Variants in EXOC4 observed in about 807,000 individuals in gnomAD.
EXOC4 encodes the protein exocyst complex component 4, also known as SEC8-like 1.
Under a neutral mutation model 107.2 loss-of-function variants are expected in EXOC4, and 71 were observed. That is an observed-to-expected ratio of 0.66 (90% CI 0.55 to 0.81). The LOEUF (loss-of-function observed/expected upper bound fraction) is 0.81, where lower values mean the gene tolerates loss of function less well. Ranked by LOEUF, EXOC4 falls within the 30% of genes least tolerant of loss-of-function variation. The pLI, the probability that EXOC4 is intolerant of heterozygous loss-of-function variation, is 0.00. For missense variants in EXOC4, 1,108 were observed against 1,189.6 expected (o/e 0.93, Z 1.01); for synonymous variants, 456 against 441.2 (o/e 1.03, Z -0.42).
intron 11 of EXOC4, among the ~76,000 whole-genome samples, chr7:133,881,794 A>G (rs565076457): frequency 2.0e-5 from 3 of 152,328 alleles, no homozygotes; most frequent in South Asian, 4.1e-4. Flanking sequence ...AGTATTGCCA[A>G]CAATACTGCT....
chr7:133,605,802 C>A (rs1309988002), intron 9 of EXOC4, among the ~76,000 whole-genome samples: 1 of 151,962 alleles, frequency 6.6e-6, no homozygotes, highest in Admixed American at 6.6e-5. Context: ...CTTAAAGCCA[C>A]CAGGTTAAAT....
intron 10 of EXOC4, chr7:133,732,537 C>A: frequency 6.5e-6 from 1 of 152,882 alleles, no homozygotes; most frequent in South Asian, 2.0e-4. Context: ...TCAGCTCATT[C>A]AACTTCAGCA....
intron 10 of EXOC4, among the ~76,000 whole-genome samples, chr7:133,813,845 T>C (rs1410403092): frequency 6.6e-6 from 1 of 152,028 alleles, no homozygotes; most frequent in Non-Finnish European, 1.5e-5. Flanking sequence ...ACCATCTTCA[T>C]CCCCCCACCA....
intron 9 of EXOC4, among the ~76,000 whole-genome samples, chr7:133,604,541 T>A (rs1186628820): frequency 6.6e-6 from 1 of 152,070 alleles, no homozygotes; most frequent in Non-Finnish European, 1.5e-5. Flanking sequence ...ATGCTGTCCA[T>A]CATTGTCTGA....
At chr7:133,420,753 G>A (rs906472480) in intron 7 of EXOC4, among the ~76,000 whole-genome samples, 1 of 151,974 alleles carries the variant, frequency 6.6e-6, no homozygotes, top group Non-Finnish European at 1.5e-5. Context: ...AAAGAAGGTT[G>A]ATTTAGAGGG....
chr7:133,477,431 C>T (rs939299653), intron 8 of EXOC4, among the ~76,000 whole-genome samples: 2 of 152,194 alleles, frequency 1.3e-5, no homozygotes, highest in Non-Finnish European at 2.9e-5. Flanking sequence ...AGAATGGCTT[C>T]TTTCACTTAG....
chr7:133,534,913 G>A (rs916813938), intron 9 of EXOC4, among the ~76,000 whole-genome samples: 1 of 152,028 alleles, frequency 6.6e-6, no homozygotes, highest in African/African-American at 2.4e-5. Context: ...ATCCCATGTG[G>A]TATCTGTTGC....
rs75372965 is a variant in EXOC4, at chr7:133,995,909, A to G, written c.2207-1583A>G. 5.5e-3 allele frequency among the ~76,000 whole-genome samples: 834 copies of G among 152,304 alleles called. 8 individuals carry two copies. Among genetic ancestry groups the G allele is most frequent in the African/African-American group, 0.019 (778 of 41,562 alleles). ...CAGCAAGATGTTGGCTCTCTACCCT[A>G]TAAGGTGAATGACCTTCTGAGTTAG... is the stretch of plus-strand genomic sequence containing the variant. On this transcript the variant is annotated intron_variant, in intron 14 of 17. Transcript: ENST00000253861.
At chr7:133,926,037 C>T (rs1191815568) in intron 13 of EXOC4, among the ~76,000 whole-genome samples, 1 of 107,708 alleles carries the variant, frequency 9.3e-6, no homozygotes. Context: ...AGCAAGACTC[C>T]GTCTCAAAAA....
chr7:133,657,555 C>T (rs1344404462), intron 10 of EXOC4, among the ~76,000 whole-genome samples: 1 of 152,194 alleles, frequency 6.6e-6, no homozygotes, highest in Admixed American at 6.5e-5. Context: ...TTCTTCTCAT[C>T]TAACCAGAGT....
chr7:133,512,937 C>G (rs1051750162), intron 9 of EXOC4, among the ~76,000 whole-genome samples: 6 of 152,134 alleles, frequency 3.9e-5, no homozygotes, highest in Admixed American at 3.9e-4. Context: ...AGAACCCCGT[C>G]TCTACTAAAA....
chr7:133,448,822 A>T (rs1411704474), intron 7 of EXOC4, among the ~76,000 whole-genome samples: 1 of 152,198 alleles, frequency 6.6e-6, no homozygotes, highest in African/African-American at 2.4e-5. Flanking sequence ...ATGGAAATTT[A>T]GGCCAGGCGT....
chr7:133,951,322 G>A (rs897962308), intron 14 of EXOC4, among the ~76,000 whole-genome samples: 2 of 152,202 alleles, frequency 1.3e-5, no homozygotes, highest in Non-Finnish European at 2.9e-5. Context: ...TGCTGATGAT[G>A]TCGTCTGTAT....
chr7:133,677,239 T>G (rs779800623), intron 10 of EXOC4, among the ~76,000 whole-genome samples: 11 of 152,134 alleles, frequency 7.2e-5, no homozygotes, highest in Non-Finnish European at 1.5e-4. Context: ...TAAGATGTAT[T>G]GTTGTTTCTA....
At chr7:133,773,847 T>C (rs1405326713) in intron 10 of EXOC4, among the ~76,000 whole-genome samples, 1 of 152,116 alleles carries the variant, frequency 6.6e-6, no homozygotes, top group Non-Finnish European at 1.5e-5. Flanking sequence ...GCCTGCTGTC[T>C]GCTACCAGTA....
At chr7:133,591,569 C>CGTGT (rs918271151) in intron 9 of EXOC4, among the ~76,000 whole-genome samples, 34 of 14,636 alleles carry the variant, frequency 2.3e-3, no homozygotes, top group Admixed American at 5.5e-3. Context: ...TGTGTGTGTG[C>CGTGT]GTGTGTGTGT....
chr7:133,323,919 T>C (rs1795174723), intron 5 of EXOC4, among the ~76,000 whole-genome samples: 1 of 152,230 alleles, frequency 6.6e-6, no homozygotes, highest in Non-Finnish European at 1.5e-5. Context: ...GAGATTCAAC[T>C]TCTTCCTGGT....
At chr7:133,961,545 T>G (rs1367025363) in intron 14 of EXOC4, among the ~76,000 whole-genome samples, 1 of 152,062 alleles carries the variant, frequency 6.6e-6, no homozygotes, top group Admixed American at 6.5e-5. Flanking sequence ...CCTGCCTTGG[T>G]CTCCCAAAGT....
intron 3 of EXOC4, among the ~76,000 whole-genome samples, chr7:133,301,789 A>T (rs1334201553): frequency 6.6e-6 from 1 of 152,206 alleles, no homozygotes; most frequent in African/African-American, 2.4e-5. Flanking sequence ...AAATAAAAAG[A>T]TCAATAGTTT....
Sources: gnomAD v4.1 joint callset for allele counts (sites outside exome capture counted in the v4.1 genomes callset) on GRCh38, gnomAD v4.1.1 for gene constraint, MANE v1.5 for transcripts, NCBI Gene and HGNC (gene_info 2026-07-23, HGNC 2026-07-21) for gene names.